Variants in CLEC16A observed in about 807,000 individuals in gnomAD.
The protein encoded by CLEC16A is protein CLEC16A.
CLEC16A carries 51 observed loss-of-function variants against 109.5 expected under a neutral mutation model. The ratio of observed to expected loss-of-function variants is 0.47; its 90% CI spans 0.37 to 0.59. The LOEUF is 0.59. CLEC16A is among the 20% of genes least tolerant of loss of function. CLEC16A has a pLI of 0.00. For synonymous variants in CLEC16A, 673 were observed against 564.2 expected, an observed-to-expected ratio of 1.19 and a Z score of -2.73; for missense variants, 1,339 against 1,394.0, an observed-to-expected ratio of 0.96 and a Z score of 0.63.
chr16:11,034,747 C>G (rs1452814950), intron 13 of CLEC16A, among the ~76,000 whole-genome samples: 2 of 152,184 alleles, frequency 1.3e-5, no homozygotes, highest in Non-Finnish European at 2.9e-5. Context: ...TGGAATTTGT[C>G]TGTCACAAAG....
chr16:11,101,681 A>G (rs1334002211), intron 19 of CLEC16A, among the ~76,000 whole-genome samples: 1 of 152,244 alleles, frequency 6.6e-6, no homozygotes, highest in Non-Finnish European at 1.5e-5. Flanking sequence ...TTGCCCTCAT[A>G]GAACTAATGT....
intron 19 of CLEC16A, among the ~76,000 whole-genome samples, chr16:11,106,182 C>G (rs940994545): frequency 2.0e-5 from 3 of 152,074 alleles, no homozygotes; most frequent in Non-Finnish European, 4.4e-5. Flanking sequence ...CATTTTTCCC[C>G]AAAAAATTTT....
intron 14 of CLEC16A, chr16:11,041,159 T>A (rs1169618922): frequency 2.0e-5 from 3 of 152,282 alleles, no homozygotes; most frequent in Non-Finnish European, 1.5e-5. Context: ...ACTACCCAGC[T>A]ATGAGACCTA....
chr16:11,055,704 C>A (rs1381199257), intron 18 of CLEC16A, among the ~76,000 whole-genome samples: 2 of 146,454 alleles, frequency 1.4e-5, no homozygotes, highest in African/African-American at 5.0e-5. Flanking sequence ...TCTCCTGCCT[C>A]AGCCTCTACA....
intron 19 of CLEC16A, among the ~76,000 whole-genome samples, chr16:11,117,606 C>T (rs2052091992): frequency 6.6e-6 from 1 of 152,126 alleles, no homozygotes; most frequent in Admixed American, 6.6e-5. Flanking sequence ...AAAATAATGT[C>T]CCAGTAGAGT....
At chr16:11,083,525 C>A (rs2049847541) in intron 19 of CLEC16A, among the ~76,000 whole-genome samples, 1 of 152,188 alleles carries the variant, frequency 6.6e-6, no homozygotes, top group African/African-American at 2.4e-5. Context: ...GTGGGAGGGG[C>A]CCAGGTAGCA....
At chr16:11,004,716 A>T (rs544654812) in intron 11 of CLEC16A, among the ~76,000 whole-genome samples, 7 of 152,278 alleles carry the variant, frequency 4.6e-5, no homozygotes, top group African/African-American at 1.7e-4. Context: ...TTGTCAGTGA[A>T]TACCATGATC....
chr16:11,031,888 A>G (rs1486514405), intron 13 of CLEC16A, among the ~76,000 whole-genome samples: 1 of 152,178 alleles, frequency 6.6e-6, no homozygotes. Context: ...GCAGTTTCTG[A>G]TGAATTTCCT....
chr16:11,038,168 G>C (rs1302493105), intron 13 of CLEC16A, among the ~76,000 whole-genome samples: 2 of 152,090 alleles, frequency 1.3e-5, no homozygotes, highest in African/African-American at 4.8e-5. Context: ...AAGATATATT[G>C]TTACTTCTTA....
intron 12 of CLEC16A, among the ~76,000 whole-genome samples, chr16:11,023,981 T>C (rs926156304): frequency 4.6e-5 from 7 of 152,242 alleles, no homozygotes; most frequent in African/African-American, 1.7e-4. Flanking sequence ...GCATTTGGGA[T>C]GTGCCATTTC....
At chr16:10,946,309 G>A (rs1050566465) in intron 1 of CLEC16A, among the ~76,000 whole-genome samples, 28 of 152,204 alleles carry the variant, frequency 1.8e-4, no homozygotes, top group African/African-American at 6.8e-4. Context: ...CCCCGGGAGT[G>A]GGGTAGGGGT....
At chr16:10,990,385 A>G (rs765332564) in intron 10 of CLEC16A, among the ~76,000 whole-genome samples, 7 of 152,212 alleles carry the variant, frequency 4.6e-5, no homozygotes, top group Non-Finnish European at 1.0e-4. Flanking sequence ...TCTGAGAAAC[A>G]GTTGCGTCTC....
At chr16:11,156,387 A>C (rs1221088874) in intron 22 of CLEC16A, among the ~76,000 whole-genome samples, 66 of 148,414 alleles carry the variant, frequency 4.4e-4, no homozygotes, top group Non-Finnish European at 9.0e-4. Flanking sequence ...AAAAAAAAAA[A>C]CACAACTAAT....
chr16:10,945,192 A>T (rs919752445), intron 1 of CLEC16A, among the ~76,000 whole-genome samples: 1 of 152,168 alleles, frequency 6.6e-6, no homozygotes, highest in Non-Finnish European at 1.5e-5. Flanking sequence ...GTCCGAATCT[A>T]TCTGTGTGAA....
chr16:11,157,317 C>T (rs1317807362), intron 22 of CLEC16A: 1 of 958,172 alleles, frequency 1.0e-6, no homozygotes, highest in South Asian at 2.0e-5. Context: ...AACATCCCTT[C>T]CCCAGGTGCC....
Position 11,123,885 on chromosome 16 carries a change from C to T in CLEC16A, c.2412C>T (p.Ala804=). ...CAGACCACATCCGCTGCATCATCGC[C>T]AAGCAGCGCCTGGCCAAAGGCCGCA... ...IFSDHIRCII[A]KQRLAKGRIQ... is the part of the protein sequence containing the mutation. Residue 804 remains alanine (A), a synonymous_variant, in exon 21 of 24, where the codon GCC becomes GCT. Coordinates refer to ENST00000409790, the MANE Select transcript of CLEC16A (RefSeq NM_015226.3). 6.2e-7 allele frequency: 1 copy of T among 1,613,966 alleles called. No individual in the cohort carries two copies. The highest frequency in any genetic ancestry group is 8.5e-7 in the Non-Finnish European group (1 of 1,179,904).
intron 10 of CLEC16A, among the ~76,000 whole-genome samples, chr16:10,998,025 T>C (rs952698329): frequency 2.0e-5 from 3 of 152,218 alleles, no homozygotes; most frequent in Admixed American, 1.3e-4. Flanking sequence ...ACCCAGTCTT[T>C]GGTTGTTTCC....
intron 10 of CLEC16A, among the ~76,000 whole-genome samples, chr16:10,989,002 C>T (rs898020703): frequency 6.6e-6 from 1 of 152,154 alleles, no homozygotes; most frequent in Non-Finnish European, 1.5e-5. Flanking sequence ...GAAACAGACA[C>T]CATGCGCCCT....
At chr16:11,156,825 G>C (rs1336920422) in intron 22 of CLEC16A, 2 of 496,260 alleles carry the variant, frequency 4.0e-6, no homozygotes, top group African/African-American at 4.0e-5. Context: ...TGGTCCACCT[G>C]TGTCCCCCAT....
Sources: gnomAD v4.1 joint callset for allele counts (sites outside exome capture counted in the v4.1 genomes callset) on GRCh38, gnomAD v4.1.1 for gene constraint, MANE v1.5 for transcripts, NCBI Gene and HGNC (gene_info 2026-07-23, HGNC 2026-07-21) for gene names.